The following GRM5 variants were observed in gnomAD, a reference collection of about 807,000 sequenced individuals.
GRM5 encodes glutamate metabotropic receptor 5.
In GRM5, 19 loss-of-function variants were observed where a neutral mutation model predicts 83.1. The observed-to-expected ratio is 0.23, with a 90% confidence interval of 0.16 to 0.34. The LOEUF (loss-of-function observed/expected upper bound fraction) is 0.34, where lower values mean the gene tolerates loss of function less well. GRM5 is among the 10% of genes least tolerant of loss of function. The pLI, the probability that GRM5 is intolerant of heterozygous loss-of-function variation, is 1.00. For synonymous variants in GRM5, 675 were observed against 633.6 expected, an observed-to-expected ratio of 1.07 and a Z score of -0.98; for missense variants, 1,160 against 1,588.3, an observed-to-expected ratio of 0.73 and a Z score of 4.58.
intron 3 of GRM5, among the ~76,000 whole-genome samples, chr11:88,705,369 G>C (rs1941130441): frequency 6.6e-6 from 1 of 152,060 alleles, no homozygotes; most frequent in South Asian, 2.1e-4. Flanking sequence ...AGAACCACTG[G>C]ACTTGACCAT....
At chr11:88,635,836 A>G (rs1314365916) in intron 4 of GRM5, among the ~76,000 whole-genome samples, 1 of 152,308 alleles carries the variant, frequency 6.6e-6, no homozygotes, top group East Asian at 1.9e-4. Context: ...TTAAGCCTTT[A>G]ATTCACGTTG....
chr11:88,860,403 T>C (rs1424891343), intron 2 of GRM5, among the ~76,000 whole-genome samples: 1 of 152,138 alleles, frequency 6.6e-6, no homozygotes, highest in Non-Finnish European at 1.5e-5. Flanking sequence ...AGGAGAAAAC[T>C]CTATACGGAG....
chr11:88,571,381 A>G (rs138680881), intron 7 of GRM5, among the ~76,000 whole-genome samples: 122 of 152,338 alleles, frequency 8.0e-4, no homozygotes, highest in African/African-American at 2.5e-3. Flanking sequence ...AACCATTTAG[A>G]AAGTCTTACA....
rs1294269890 is a variant in GRM5, at chr11:89,025,291, G to A, written c.661+21921C>T. Among the ~76,000 whole-genome samples, 7 of 152,206 alleles carry A rather than the reference G, an allele frequency of 4.6e-5. No individual in the cohort carries two copies. The South Asian group carries it at 1.2e-3, about 27-fold the overall frequency. Reference sequence around the variant, plus strand: ...TGGCTGACAATAAATTGTAAGCTCAGTGGCTCAGATGGACAGCAAACATGT... The same window carrying A: ...TGGCTGACAATAAATTGTAAGCTCAATGGCTCAGATGGACAGCAAACATGT... On this transcript the variant is annotated intron_variant, in intron 2 of 9. Transcript: ENST00000305447.
intron 2 of GRM5, among the ~76,000 whole-genome samples, chr11:89,044,123 A>G (rs1471888765): frequency 6.6e-6 from 1 of 152,292 alleles, no homozygotes; most frequent in East Asian, 1.9e-4. Context: ...GGTTTGCAAA[A>G]GTACTAAGGC....
chr11:88,810,320 A>G (rs961752232), intron 3 of GRM5, among the ~76,000 whole-genome samples: 2 of 152,116 alleles, frequency 1.3e-5, no homozygotes, highest in African/African-American at 4.8e-5. Context: ...AAAAATGAGT[A>G]TATGAAGAGG....
At chr11:88,909,543 A>G (rs1205944918) in intron 2 of GRM5, among the ~76,000 whole-genome samples, 1 of 22,454 alleles carries the variant, frequency 4.5e-5, no homozygotes, top group South Asian at 4.5e-3. Context: ...CATCCTCACC[A>G]GTACACACAC....
intron 2 of GRM5, among the ~76,000 whole-genome samples, chr11:88,925,116 C>G (rs1375107684): frequency 6.6e-6 from 1 of 151,744 alleles, no homozygotes; most frequent in African/African-American, 2.4e-5. Flanking sequence ...GATACCAAAG[C>G]AAAGAAATGA....
At chr11:88,968,365 C>A (rs1451347362) in intron 2 of GRM5, among the ~76,000 whole-genome samples, 1 of 152,000 alleles carries the variant, frequency 6.6e-6, no homozygotes, top group Non-Finnish European at 1.5e-5. Flanking sequence ...TAGTGGTTTC[C>A]AGGAACTAGG....
intron 7 of GRM5, among the ~76,000 whole-genome samples, chr11:88,570,564 TATA>T: frequency 1.2e-5 from 1 of 80,258 alleles, no homozygotes; most frequent in Non-Finnish European, 2.3e-5. Context: ...TATATATATA[TATA>T]TATATTTTTT....
At chr11:88,601,715 T>G (rs1938004113) in intron 5 of GRM5, among the ~76,000 whole-genome samples, 1 of 152,194 alleles carries the variant, frequency 6.6e-6, no homozygotes. Context: ...ACGTTTCCTC[T>G]GCCTATTATG....
At chr11:88,738,963 T>A (rs1381258826) in intron 3 of GRM5, among the ~76,000 whole-genome samples, 1 of 152,118 alleles carries the variant, frequency 6.6e-6, no homozygotes, top group African/African-American at 2.4e-5. Flanking sequence ...TGTCATCCAA[T>A]GTGTGGCTAA....
intron 2 of GRM5, among the ~76,000 whole-genome samples, chr11:88,964,055 T>TG (rs1938869053): frequency 6.6e-6 from 1 of 152,208 alleles, no homozygotes; most frequent in South Asian, 2.1e-4. Context: ...ACACTCTTTA[T>TG]GTGCAATTTG....
At chr11:88,655,557 C>A (rs917840597) in intron 3 of GRM5, among the ~76,000 whole-genome samples, 1 of 151,926 alleles carries the variant, frequency 6.6e-6, no homozygotes, top group Admixed American at 6.6e-5. Context: ...TTGAATTTAA[C>A]AGGGATTGTA....
chr11:88,907,744 T>C (rs927001768), intron 2 of GRM5, among the ~76,000 whole-genome samples: 5 of 152,170 alleles, frequency 3.3e-5, no homozygotes, highest in African/African-American at 1.2e-4. Context: ...GTCATTTAAC[T>C]TCTCTATGCC....
chr11:89,021,727 AC>A (rs1194837940), intron 2 of GRM5, among the ~76,000 whole-genome samples: 1 of 151,966 alleles, frequency 6.6e-6, no homozygotes, highest in Non-Finnish European at 1.5e-5. Context: ...TAAACTCTAG[AC>A]TCTATATTTT....
intron 3 of GRM5, among the ~76,000 whole-genome samples, chr11:88,728,195 C>T (rs1941724997): frequency 6.6e-6 from 1 of 152,002 alleles, no homozygotes; most frequent in Admixed American, 6.6e-5. Context: ...AAGGGGATAT[C>T]ACCACTAATC....
At chr11:88,662,225 C>A (rs952822536) in intron 3 of GRM5, among the ~76,000 whole-genome samples, 12 of 152,200 alleles carry the variant, frequency 7.9e-5, no homozygotes, top group African/African-American at 2.6e-4. Flanking sequence ...CTGAGGAAAT[C>A]TGAGGGATTA....
At chr11:89,012,521 TA>T (rs1940731931) in intron 2 of GRM5, among the ~76,000 whole-genome samples, 1 of 152,144 alleles carries the variant, frequency 6.6e-6, no homozygotes, top group African/African-American at 2.4e-5. Flanking sequence ...GTATGATGCG[TA>T]AAAAATATAA....
Sources: gnomAD v4.1 joint callset for allele counts (sites outside exome capture counted in the v4.1 genomes callset) on GRCh38, gnomAD v4.1.1 for gene constraint, MANE v1.5 for transcripts, NCBI Gene and HGNC (gene_info 2026-07-23, HGNC 2026-07-21) for gene names.